The following LSM4 variants were observed in gnomAD, a reference collection of about 807,000 sequenced individuals.
LSM4 encodes U6 snRNA-associated Sm-like protein LSm4.
In LSM4, 15 loss-of-function variants were observed where a neutral mutation model predicts 22.3. The ratio of observed to expected loss-of-function variants is 0.67; its 90% confidence interval spans 0.45 to 1.03. LSM4 has a LOEUF of 1.03. Among genes scored for constraint, LSM4 ranks in the 50% least tolerant of loss-of-function variants. LSM4 has a pLI of 0.00. For synonymous variants in LSM4, 90 were observed against 79.8 expected, an observed-to-expected ratio of 1.13 and a Z score of -0.68; for missense variants, 127 against 198.0, an observed-to-expected ratio of 0.64 and a Z score of 2.15.
chr19:18,311,848 C>A (rs1338790399), intron 3 of LSM4, among the ~76,000 whole-genome samples: 2 of 152,194 alleles, frequency 1.3e-5, no homozygotes, highest in Admixed American at 6.5e-5. Flanking sequence ...GCGCCTCCCC[C>A]CTCGAGCCCT....
chr19:18,307,923 T>A (rs140102062), intron 4 of LSM4, among the ~76,000 whole-genome samples: 4 of 147,908 alleles, frequency 2.7e-5, no homozygotes, highest in Non-Finnish European at 6.0e-5. Context: ...ACCAGGGCAG[T>A]AGGCCAGGCT....
At chr19:18,309,617 G>A (rs887142749) in intron 4 of LSM4, 61 bp downstream of exon 4, 5 of 1,501,692 alleles carry the variant, frequency 3.3e-6, no homozygotes, top group Non-Finnish European at 4.4e-6. Context: ...CCAAGAAGGA[G>A]GGATGCCACG....
chr19:18,318,352 G>A (rs1357933271), intron 1 of LSM4, among the ~76,000 whole-genome samples: 1 of 152,204 alleles, frequency 6.6e-6, no homozygotes, highest in Non-Finnish European at 1.5e-5. Context: ...GGTGCCAGCA[G>A]GAAGCCAGGC....
intron 1 of LSM4, 131 bp downstream of exon 1, chr19:18,322,887 G>A (rs1451648287): frequency 1.5e-6 from 2 of 1,320,906 alleles, no homozygotes; most frequent in Non-Finnish European, 2.1e-6. Context: ...GCCTCGTGCC[G>A]GGGGGCGGGA....
chr19:18,315,464 A>AT (rs1568298805), intron 2 of LSM4, among the ~76,000 whole-genome samples: 1 of 151,238 alleles, frequency 6.6e-6, no homozygotes, highest in South Asian at 2.1e-4. Context: ...AGTTCTTTTT[A>AT]TTTTTTTAAG....
At chr19:18,321,538 C>T (rs1218381072) in intron 1 of LSM4, among the ~76,000 whole-genome samples, 3 of 152,180 alleles carry the variant, frequency 2.0e-5, no homozygotes, top group Non-Finnish European at 2.9e-5. Context: ...TTGGTAATAG[C>T]CCTTTCCCGA....
intron 3 of LSM4, chr19:18,312,294 T>C (rs55986824): frequency 0.78 from 246,035 of 316,732 alleles, 96,001 homozygotes; most frequent in South Asian, 0.87. Flanking sequence ...CCGGGAGTCT[T>C]GGGCCTCCCC....
At chr19:18,320,278 T>TGGGAGGATCGCTTGAGCC (rs1970411921) in intron 1 of LSM4, among the ~76,000 whole-genome samples, 1 of 151,990 alleles carries the variant, frequency 6.6e-6, no homozygotes, top group Admixed American at 6.6e-5. Context: ...GAGACTGAGG[T>TGGGAGGATCGCTTGAGCC]GGGAGGATCG....
At chr19:18,322,758 G>A (rs1448197762) in intron 1 of LSM4, among the ~76,000 whole-genome samples, 9 of 151,134 alleles carry the variant, frequency 6.0e-5, no homozygotes, top group African/African-American at 2.2e-4. Context: ...TTCCCCACCT[G>A]CAAACTGGGA....
rs1352015691 is a variant in LSM4 at position 18,307,499 on chromosome 19, C to G, written c.385G>C (p.Glu129Gln). 6.4e-7 allele frequency: 1 copy of G among 1,556,472 alleles called. No homozygotes were observed. Among genetic ancestry groups the G allele is most frequent in the Non-Finnish European group, 8.7e-7 (1 of 1,151,226 alleles). ...GIPGTGRGQPEKKPGRQAGKQ is the reference protein window; with the variant it reads ...GIPGTGRGQPQKKPGRQAGKQ ...CCCGCCTGTCTGCCAGGCTTCTTCT[C>G]TGGCTGGCCTCTGCCTGTGCCCGGG... is the stretch of plus-strand genomic sequence containing the variant. The change falls in exon 5 of 5, where the codon GAG (glutamate) becomes CAG (glutamine). Residue 129 changes from glutamate to glutamine, a missense_variant. Glu to Gln is a conservative substitution (Grantham distance 29). Coordinates refer to ENST00000593829, the MANE Select transcript of LSM4 (RefSeq NM_012321.5).
Position 18,309,874 on chromosome 19 carries a change from G to A in LSM4, c.145-13C>T. The A allele has an allele frequency of 1.9e-6, 3 of 1,611,982 alleles. No individual in the cohort carries two copies. Among genetic ancestry groups the A allele is most frequent in the African/African-American group, 1.3e-5 (1 of 74,952 alleles). On this transcript the variant is annotated splice_polypyrimidine_tract_variant and intron_variant, in intron 3 of 4. Transcript: ENST00000593829. ...ACTTGTCCCCGTCCTGCGGAGAAGGGGAGCAGGTTATTAACTTACCACCGG... is the reference window on the plus strand; with the variant it reads ...ACTTGTCCCCGTCCTGCGGAGAAGGAGAGCAGGTTATTAACTTACCACCGG...
chr19:18,313,083 G>A (rs1970316166), intron 2 of LSM4, among the ~76,000 whole-genome samples: 1 of 152,178 alleles, frequency 6.6e-6, no homozygotes, highest in South Asian at 2.1e-4. Context: ...GCTGGGCATG[G>A]TGGTGCATGC....
chr19:18,313,238 T>G (rs1191656550), intron 2 of LSM4, among the ~76,000 whole-genome samples: 4 of 152,062 alleles, frequency 2.6e-5, no homozygotes, highest in Admixed American at 6.6e-5. Flanking sequence ...GAGTGCCACT[T>G]GGTCTTAAAA....
intron 2 of LSM4, 67 bp from the exon 3 acceptor site, chr19:18,312,769 G>A: frequency 8.3e-7 from 1 of 1,211,328 alleles, no homozygotes; most frequent in Non-Finnish European, 1.2e-6. Flanking sequence ...CCCTCAGGAG[G>A]TGTAGCTCTG....
At chr19:18,320,362 C>T (rs1204327137) in intron 1 of LSM4, among the ~76,000 whole-genome samples, 2 of 152,040 alleles carry the variant, frequency 1.3e-5, no homozygotes, top group East Asian at 3.9e-4. Flanking sequence ...TAGAAATTAG[C>T]CAGGTTTAGT....
At position 18,306,244 on chromosome 19, in the gene LSM4, G is replaced by A. The variant is rs978767784; in HGVS notation, c.*1220C>T. On this transcript the variant is annotated 3_prime_UTR_variant, in exon 5 of 5. Coordinates refer to ENST00000593829, the MANE Select transcript of LSM4 (RefSeq NM_012321.5). ...AGACTCAAGAAAAAGAGTTCCTCACGGACGGGACCTTTTATTCCAATCACC... is the reference window on the plus strand; with the variant it reads ...AGACTCAAGAAAAAGAGTTCCTCACAGACGGGACCTTTTATTCCAATCACC... 4 of 152,180 alleles carry A rather than the reference G, an allele frequency of 2.6e-5. No individual in the cohort carries two copies. Among genetic ancestry groups the A allele is most frequent in the Non-Finnish European group, 5.9e-5 (4 of 68,048 alleles). The allele number at this position is 152,180 out of a possible 1,614,324, so 9.4% of individuals were successfully genotyped here. A position where few individuals can be genotyped will look rare whatever the true frequency, so the allele number is the denominator to read the frequency against.
chr19:18,316,278 C>T (rs1367816183), intron 1 of LSM4: 2 of 489,012 alleles, frequency 4.1e-6, no homozygotes, highest in Non-Finnish European at 7.4e-6. Flanking sequence ...AAGCCTCACA[C>T]ACCCTCCCTA....
At chr19:18,316,162 G>A (rs758218871) in intron 1 of LSM4, 97 bp from the exon 2 acceptor site, 23 of 1,092,290 alleles carry the variant, frequency 2.1e-5, no homozygotes, top group Non-Finnish European at 2.3e-5. Flanking sequence ...GGTGCGGTGC[G>A]GTTGAGGGGG....
chr19:18,322,378 C>G (rs1330921745), intron 1 of LSM4, among the ~76,000 whole-genome samples: 1 of 152,166 alleles, frequency 6.6e-6, no homozygotes, highest in Non-Finnish European at 1.5e-5. Context: ...ACAATGGGCC[C>G]TGCAGAGACC....
Sources: allele counts gnomAD v4.1 joint callset (sites outside exome capture counted in the v4.1 genomes callset), GRCh38; gene constraint gnomAD v4.1.1; transcripts MANE v1.5; gene names NCBI Gene and HGNC (gene_info 2026-07-23, HGNC 2026-07-21).